MAP3K21: variants seen among roughly 807,000 people sequenced by gnomAD.
MAP3K21 encodes the protein mitogen-activated protein kinase kinase kinase MLK4.
In MAP3K21, 63 loss-of-function variants were observed where a neutral mutation model predicts 86.1. That is an observed-to-expected ratio of 0.73 (90% CI 0.60 to 0.90). The LOEUF (loss-of-function observed/expected upper bound fraction) is 0.90. Ranked by LOEUF, MAP3K21 falls within the 40% of genes least tolerant of loss-of-function variation. MAP3K21 has a pLI of 0.00. For missense variants in MAP3K21, 1,220 were observed against 1,367.7 expected (o/e 0.89, Z 1.70); for synonymous variants, 558 against 564.8 (o/e 0.99, Z 0.17).
intron 2 of MAP3K21, among the ~76,000 whole-genome samples, chr1:233,352,771 A>G (rs1663273734): frequency 6.6e-6 from 1 of 152,158 alleles, no homozygotes; most frequent in Non-Finnish European, 1.5e-5. Context: ...TTATATGCTT[A>G]TGTGTTTCAA....
chr1:233,363,315 A>G (rs1016857310), intron 5 of MAP3K21, among the ~76,000 whole-genome samples: 1 of 152,232 alleles, frequency 6.6e-6, no homozygotes, highest in African/African-American at 2.4e-5. Flanking sequence ...AAATTGCCTT[A>G]TAAAATATGT....
chr1:233,358,488 A>T (rs1295787515), intron 4 of MAP3K21, among the ~76,000 whole-genome samples: 36 of 73,606 alleles, frequency 4.9e-4, no homozygotes, highest in Admixed American at 9.7e-4. Context: ...TTTTTTTTTT[A>T]ACACTTCCCC....
chr1:233,333,804 A>G (rs1019900108), intron 1 of MAP3K21, among the ~76,000 whole-genome samples: 1 of 152,200 alleles, frequency 6.6e-6, no homozygotes, highest in African/African-American at 2.4e-5. Flanking sequence ...TCACACTAGC[A>G]TTTAAGTGCT....
At chr1:233,347,082 G>C (rs539295987) in intron 2 of MAP3K21, among the ~76,000 whole-genome samples, 2 of 151,690 alleles carry the variant, frequency 1.3e-5, no homozygotes, top group Non-Finnish European at 2.9e-5. Context: ...GTTTAGGAGG[G>C]AGAGTGTCCA....
intron 7 of MAP3K21, 117 bp downstream of exon 7, chr1:233,376,183 T>C (rs1663793173): frequency 1.2e-6 from 1 of 863,986 alleles, no homozygotes; most frequent in African/African-American, 1.7e-5. Flanking sequence ...GATTTATAAA[T>C]ATCAACAATT....
intron 4 of MAP3K21, 143 bp from the exon 5 acceptor site, chr1:233,361,910 C>T (rs1663471637): frequency 9.6e-7 from 1 of 1,046,052 alleles, no homozygotes; most frequent in Non-Finnish European, 1.4e-6. Flanking sequence ...GTGACCAGGG[C>T]TTGAGCAGAG....
chr1:233,353,714 G>A (rs1002340749), intron 2 of MAP3K21, 93 bp from the exon 3 acceptor site: 1 of 1,201,606 alleles, frequency 8.3e-7, no homozygotes, highest in African/African-American at 1.6e-5. Flanking sequence ...TATTAGGAAT[G>A]GATGAAGGTA....
At position 233,376,466 on chromosome 1, in the gene MAP3K21, A is replaced by G. The variant is rs1335595758; in HGVS notation, c.1863A>G (p.Ser621=). The change falls in exon 8 of 10, where the codon TCA becomes TCG. Residue 621 remains serine (S), a synonymous_variant. Coordinates refer to ENST00000366624, the MANE Select transcript of MAP3K21 (RefSeq NM_032435.3). ...RPLSDGNSPW[S]TILIKNQKTM... Reference sequence around the variant, plus strand: ...TCTCCGATGGCAACAGTCCTTGGTCAACTATCTTAATAAAAAATCAGAAAA... The same window carrying G: ...TCTCCGATGGCAACAGTCCTTGGTCGACTATCTTAATAAAAAATCAGAAAA... The G allele has an allele frequency of 1.2e-6, 2 of 1,613,712 alleles. No homozygotes were observed. The highest frequency in any genetic ancestry group is 1.7e-6 in the Non-Finnish European group (2 of 1,179,780).
chr1:233,328,839 TG>T lies in MAP3K21; in HGVS notation c.805+10del. The T allele has an allele frequency of 6.6e-7, 1 of 1,506,226 alleles. No homozygotes were observed. Among genetic ancestry groups the T allele is most frequent in the Non-Finnish European group, 8.9e-7 (1 of 1,124,144 alleles). 93.3% of individuals were successfully genotyped at this position (1,506,226 alleles called of 1,614,324 possible). A position where few individuals can be genotyped will look rare whatever the true frequency, so the allele number is the denominator to read the frequency against. On this transcript the variant is annotated splice_region_variant and intron_variant, in intron 1 of 9. Transcript: ENST00000366624. The surrounding 1 kb of genome is among the most constrained non-coding windows in gnomAD (Gnocchi z 8.7). Reference sequence around the variant, plus strand: ...GGACCTCAAGTCCAGCAACAGTAAGTGGGGCCAGAGGGAGGTGGGGGAAGAC... The same window carrying T: ...GGACCTCAAGTCCAGCAACAGTAAGTGGGCCAGAGGGAGGTGGGGGAAGAC...
intron 1 of MAP3K21, among the ~76,000 whole-genome samples, chr1:233,339,258 CTTCTTCTTCCTCTTCTTCTTCT>C (rs1662976211): frequency 2.1e-5 from 1 of 47,294 alleles, no homozygotes; most frequent in African/African-American, 8.9e-5. Context: ...TCTTCTTCTT[CTTCTTCTTCCTCTTCTTCTTCT>C]TCTTCTTCTT....
rs1457722450 is a variant in MAP3K21 at position 233,345,735 on chromosome 1, AAT to A, written c.806-705_806-704del. ...ACCCTAGAACTCAAAGTATAATAAT[AAT>A]AATAATAATAATAATAATAATAATA... On this transcript the variant is annotated intron_variant, in intron 1 of 9. Coordinates refer to ENST00000366624, the MANE Select transcript of MAP3K21 (RefSeq NM_032435.3). 5.9e-5 allele frequency among the ~76,000 whole-genome samples: 3 copies of A among 51,084 alleles called. No individual in the cohort carries two copies. The Admixed American group carries it at 9.6e-4, about 16-fold the overall frequency. The allele number at this position is 51,084 out of a possible 152,430, so 33.5% of individuals were successfully genotyped here.
chr1:233,353,979 C>G (rs760387564), intron 3 of MAP3K21, 24 bp downstream of exon 3: 2 of 1,437,574 alleles, frequency 1.4e-6, no homozygotes. Flanking sequence ...GTGTGTGTGT[C>G]TTTGTGGGGG....
At chr1:233,374,817 T>G (rs1403881953) in intron 6 of MAP3K21, among the ~76,000 whole-genome samples, 1 of 151,758 alleles carries the variant, frequency 6.6e-6, no homozygotes, top group Admixed American at 6.6e-5. Context: ...CTCATTTTTA[T>G]TATGGTCACA....
chr1:233,366,150 G>A lies in MAP3K21; in HGVS notation c.1552+3857G>A, dbSNP rs80152413. ...GTGGGAGCGAAAAAAATTGGAGTCCGTGGAAATAGAGAGTAGAATTGTGGT... is the reference window on the plus strand; with the variant it reads ...GTGGGAGCGAAAAAAATTGGAGTCCATGGAAATAGAGAGTAGAATTGTGGT... On this transcript the variant is annotated intron_variant, in intron 5 of 9. Coordinates refer to ENST00000366624, the MANE Select transcript of MAP3K21 (RefSeq NM_032435.3). Among the ~76,000 whole-genome samples, 243 of 152,178 alleles carry A rather than the reference G, an allele frequency of 1.6e-3. 1 individual carries two copies. The East Asian group carries it at 0.037, about 23-fold the overall frequency.
chr1:233,350,129 C>T (rs1327767599), intron 2 of MAP3K21, among the ~76,000 whole-genome samples: 3 of 152,124 alleles, frequency 2.0e-5, no homozygotes, highest in Non-Finnish European at 4.4e-5. Flanking sequence ...CTGTGCACAT[C>T]CTCCCGTGTA....
intron 2 of MAP3K21, among the ~76,000 whole-genome samples, chr1:233,353,146 T>C (rs1339538655): frequency 6.7e-6 from 1 of 149,712 alleles, no homozygotes; most frequent in Non-Finnish European, 1.5e-5. Context: ...TTGTGCCTTA[T>C]TTTTTATTCC....
chr1:233,382,257 G>T (rs1318668443), intron 9 of MAP3K21, 48 bp from the exon 10 acceptor site: 17 of 1,477,024 alleles, frequency 1.2e-5, no homozygotes, highest in Non-Finnish European at 1.4e-5. Flanking sequence ...CATTGTTTTA[G>T]AACTCATTTT....
At chr1:233,345,131 G>A (rs541635234) in intron 1 of MAP3K21, among the ~76,000 whole-genome samples, 9 of 152,200 alleles carry the variant, frequency 5.9e-5, no homozygotes, top group Non-Finnish European at 1.3e-4. Flanking sequence ...TACACTGTTG[G>A]TGGGAGTGTA....
At position 233,379,416 on chromosome 1, in the gene MAP3K21, A is replaced by G. The variant is rs377050306; in HGVS notation, c.2410A>G (p.Thr804Ala). The change falls in exon 9 of 10, where the codon ACA becomes GCA. Residue 804 changes from threonine (T) to alanine (A), a missense_variant. Coordinates refer to ENST00000366624, the MANE Select transcript of MAP3K21 (RefSeq NM_032435.3). ...GTCAAGTGCCCTGGGCATCCTCTCC[A>G]CACCTTCTTTCTCCACAAAGTGCCT... ...PLSSALGILS[T>A]PSFSTKCLLQ... The G allele has an allele frequency of 6.2e-7, 1 of 1,614,048 alleles. No individual in the cohort carries two copies. Among genetic ancestry groups the G allele is most frequent in the Non-Finnish European group, 8.5e-7 (1 of 1,180,030 alleles).
Sources: gnomAD v4.1 joint callset for allele counts (sites outside exome capture counted in the v4.1 genomes callset) on GRCh38, gnomAD v4.1.1 for gene constraint, Gnocchi (gnomAD v3.1) non-coding constraint, MANE v1.5 for transcripts, NCBI Gene and HGNC (gene_info 2026-07-23, HGNC 2026-07-21) for gene names.